Variants in WDPCP observed in about 807,000 individuals in gnomAD.
WDPCP encodes WD repeat-containing and planar cell polarity effector protein fritz homolog.
Under a neutral mutation model 93.1 loss-of-function variants are expected in WDPCP, and 71 were observed. The ratio of observed to expected loss-of-function variants is 0.76; its 90% confidence interval spans 0.63 to 0.93. The LOEUF (loss-of-function observed/expected upper bound fraction) is 0.93. WDPCP is among the 40% of genes least tolerant of loss of function. The pLI is 0.00. For synonymous variants in WDPCP, 315 were observed against 315.0 expected (o/e 1.00, Z 0.00); for missense variants, 844 against 887.4 (o/e 0.95, Z 0.62).
intron 9 of WDPCP, among the ~76,000 whole-genome samples, chr2:63,418,583 TA>T (rs1460593671): frequency 6.6e-6 from 1 of 152,196 alleles, no homozygotes; most frequent in Admixed American, 6.5e-5. Flanking sequence ...TTCTGAAATC[TA>T]ATAACTAAAG....
chr2:63,262,954 A>T (rs1258459300), intron 13 of WDPCP, among the ~76,000 whole-genome samples: 1 of 152,188 alleles, frequency 6.6e-6, no homozygotes, highest in African/African-American at 2.4e-5. Context: ...TATCTCTCCC[A>T]TGAAAGTCTT....
chr2:63,341,141 T>C (rs1314758589), intron 12 of WDPCP, among the ~76,000 whole-genome samples: 1 of 152,204 alleles, frequency 6.6e-6, no homozygotes, highest in Non-Finnish European at 1.5e-5. Context: ...ACTTGTTTAT[T>C]TTTTAAAGAC....
chr2:63,230,070 T>A (rs1678701195), intron 14 of WDPCP, among the ~76,000 whole-genome samples: 1 of 151,518 alleles, frequency 6.6e-6, no homozygotes. Context: ...TATCTCCTAA[T>A]GCTATCCATC....
chr2:63,622,137 G>C (rs181128199), intron 3 of WDPCP: 2 of 1,509,852 alleles, frequency 1.3e-6, no homozygotes, highest in East Asian at 5.0e-5. Flanking sequence ...GAGGGGCTAA[G>C]CCTAGCTGTC....
intron 9 of WDPCP, among the ~76,000 whole-genome samples, chr2:63,409,739 G>C (rs758719503): frequency 1.4e-4 from 21 of 152,118 alleles, no homozygotes; most frequent in Non-Finnish European, 2.5e-4. Context: ...AACACTTATA[G>C]AAATGCAAAA....
At chr2:63,714,111 A>T (rs537601096) in intron 2 of WDPCP, among the ~76,000 whole-genome samples, 1 of 147,084 alleles carries the variant, frequency 6.8e-6, no homozygotes, top group African/African-American at 2.5e-5. Context: ...GCTGCAGTGC[A>T]GTGGTGCCAT....
At chr2:63,225,056 TAA>T (rs74271878) in intron 14 of WDPCP, among the ~76,000 whole-genome samples, 12 of 130,696 alleles carry the variant, frequency 9.2e-5, no homozygotes, top group Admixed American at 2.3e-4. Flanking sequence ...CTACAATGAC[TAA>T]AAAAAAAAAA....
intron 2 of WDPCP, among the ~76,000 whole-genome samples, chr2:63,766,913 CGAGCCCAT>C (rs1367157396): frequency 6.6e-6 from 1 of 152,090 alleles, no homozygotes; most frequent in Non-Finnish European, 1.5e-5. Flanking sequence ...CCTTCTATCC[CGAGCCCAT>C]GGAAACCACT....
chr2:63,338,967 G>A (rs1465896439), intron 12 of WDPCP, among the ~76,000 whole-genome samples: 1 of 151,970 alleles, frequency 6.6e-6, no homozygotes, highest in Non-Finnish European at 1.5e-5. Context: ...ATTGCCTTGG[G>A]CAGTATTGTG....
rs563745109 is a variant in WDPCP at position 63,563,078 on chromosome 2, T to C, written c.75+25119A>G. On this transcript the variant is annotated intron_variant, in intron 1 of 17. Coordinates refer to ENST00000272321, the MANE Select transcript of WDPCP (RefSeq NM_015910.7). Reference sequence around the variant, plus strand: ...ACACACACATACATACATACATACATACAGCCCACTGCTGGTGCAATGACT... The same window carrying C: ...ACACACACATACATACATACATACACACAGCCCACTGCTGGTGCAATGACT... Among the ~76,000 whole-genome samples the C allele has an allele frequency of 1.2e-3, 190 of 152,264 alleles. 1 individual carries two copies. Among genetic ancestry groups the C allele is most frequent in the Middle Eastern group, 0.01 (3 of 294 alleles).
Position 63,251,602 on chromosome 2 carries a change from C to T in WDPCP, c.1915+7705G>A, listed in dbSNP as rs529211251. Among the ~76,000 whole-genome samples, 22 of 150,672 alleles carry T rather than the reference C, an allele frequency of 1.5e-4. 1 individual carries two copies. The highest frequency in any genetic ancestry group is 1.2e-3 in the Admixed American group (18 of 15,046). Reference sequence around the variant, plus strand: ...TGCCTCCTGGGTTCATGCCATTCTCCTGCCTCAGCCTCCCAGGTAGCTGGG... The same window carrying T: ...TGCCTCCTGGGTTCATGCCATTCTCTTGCCTCAGCCTCCCAGGTAGCTGGG... On this transcript the variant is annotated intron_variant, in intron 14 of 17. Transcript: ENST00000272321.
chr2:63,286,026 T>C (rs1683974293), intron 13 of WDPCP, among the ~76,000 whole-genome samples: 1 of 152,102 alleles, frequency 6.6e-6, no homozygotes, highest in Non-Finnish European at 1.5e-5. Flanking sequence ...TTGTTTTTTT[T>C]AGATAGGGTC....
intron 13 of WDPCP, among the ~76,000 whole-genome samples, chr2:63,274,696 A>G (rs1191883824): frequency 6.6e-6 from 1 of 152,176 alleles, no homozygotes; most frequent in Non-Finnish European, 1.5e-5. Context: ...AACAAATTGG[A>G]AAACCTACAG....
At chr2:63,134,231 T>C (rs990939988) in intron 17 of WDPCP, among the ~76,000 whole-genome samples, 2 of 152,164 alleles carry the variant, frequency 1.3e-5, no homozygotes, top group Non-Finnish European at 2.9e-5. Context: ...CCCACTTCTG[T>C]GGTTATAGAA....
intron 14 of WDPCP, among the ~76,000 whole-genome samples, chr2:63,193,601 C>T (rs1230770533): frequency 6.6e-6 from 1 of 152,218 alleles, no homozygotes; most frequent in East Asian, 1.9e-4. Context: ...TCCTCCCTAG[C>T]TCAGCCTCCT....
In WDPCP at chr2:63,238,604, G is replaced by A. The variant is rs75892967; in HGVS notation, c.1915+20703C>T. Among the ~76,000 whole-genome samples, 258 of 152,164 alleles carry A rather than the reference G, an allele frequency of 1.7e-3. 2 individuals carry two copies. Among genetic ancestry groups the A allele is most frequent in the African/African-American group, 5.8e-3 (241 of 41,528 alleles). On this transcript the variant is annotated intron_variant, in intron 14 of 17. Transcript: ENST00000272321. ...TAATTTAAAATTCTGTCTGTGGCTT[G>A]CATTATATTTCTATTGGACATCATT...
At chr2:63,197,330 A>G (rs1022500383) in intron 14 of WDPCP, among the ~76,000 whole-genome samples, 14 of 152,304 alleles carry the variant, frequency 9.2e-5, no homozygotes, top group African/African-American at 2.4e-4. Flanking sequence ...AACATAAAAC[A>G]TATGTTAATT....
intron 14 of WDPCP, among the ~76,000 whole-genome samples, chr2:63,177,992 G>C (rs1379469806): frequency 6.6e-6 from 1 of 152,050 alleles, no homozygotes; most frequent in Non-Finnish European, 1.5e-5. Flanking sequence ...TGATTATGTA[G>C]TTCTCATCTT....
chr2:63,706,648 C>T (rs1298337872), intron 2 of WDPCP, among the ~76,000 whole-genome samples: 12 of 115,428 alleles, frequency 1.0e-4, no homozygotes, highest in East Asian at 5.2e-4. Context: ...CTCGCTCTGT[C>T]GCCCAGGCTG....
Sources: gnomAD v4.1 joint callset for allele counts (sites outside exome capture counted in the v4.1 genomes callset) on GRCh38, gnomAD v4.1.1 for gene constraint, MANE v1.5 for transcripts, NCBI Gene and HGNC (gene_info 2026-07-23, HGNC 2026-07-21) for gene names.